Variants in TRAPPC9 observed in about 807,000 individuals in gnomAD.
TRAPPC9 encodes trafficking protein particle complex subunit 9.
In TRAPPC9, 83 loss-of-function variants were observed where a neutral mutation model predicts 124.0. The observed-to-expected ratio is 0.67, with a 90% CI of 0.56 to 0.80. TRAPPC9 has a LOEUF of 0.80. TRAPPC9 is among the 30% of genes least tolerant of loss of function. The pLI, the probability that TRAPPC9 is intolerant of heterozygous loss-of-function variation, is 0.00. For missense variants in TRAPPC9, 1,302 were observed against 1,508.3 expected (o/e 0.86, Z 2.27); for synonymous variants, 638 against 617.5 (o/e 1.03, Z -0.49).
intron 17 of TRAPPC9, among the ~76,000 whole-genome samples, chr8:140,056,123 T>C (rs1186622616): frequency 5.3e-5 from 8 of 151,978 alleles, no homozygotes; most frequent in Non-Finnish European, 1.0e-4. Flanking sequence ...TAAAACAGCA[T>C]GGTAGCCAGG....
intron 7 of TRAPPC9, among the ~76,000 whole-genome samples, chr8:140,388,458 C>T (rs904354779): frequency 6.6e-6 from 1 of 151,424 alleles, no homozygotes; most frequent in Admixed American, 6.6e-5. Context: ...CCAAGGCGGG[C>T]GGATCACCTG....
At chr8:140,357,569 G>A (rs900564929) in intron 9 of TRAPPC9, among the ~76,000 whole-genome samples, 2 of 151,952 alleles carry the variant, frequency 1.3e-5, no homozygotes, top group African/African-American at 4.8e-5. Context: ...GCTGGATCAC[G>A]GGGAGGCTCA....
intron 6 of TRAPPC9, among the ~76,000 whole-genome samples, chr8:140,402,963 G>C (rs949478204): frequency 5.3e-5 from 8 of 152,078 alleles, no homozygotes. Context: ...CAGATAATTA[G>C]ATAATTATAA....
At chr8:139,901,543 C>T (rs1430651745) in intron 20 of TRAPPC9, among the ~76,000 whole-genome samples, 2 of 152,174 alleles carry the variant, frequency 1.3e-5, no homozygotes, top group African/African-American at 4.8e-5. Context: ...CTGCAACTGG[C>T]TCACTGCTGC....
chr8:139,887,173 C>T (rs1031024485), intron 20 of TRAPPC9, among the ~76,000 whole-genome samples: 1 of 151,632 alleles, frequency 6.6e-6, no homozygotes, highest in Non-Finnish European at 1.5e-5. Flanking sequence ...ACATGCTGCC[C>T]TGGGGGCTCG....
chr8:139,777,298 C>T lies in TRAPPC9; in HGVS notation c.3056-45096G>A, dbSNP rs572546895. 7.2e-5 allele frequency among the ~76,000 whole-genome samples: 11 copies of T among 152,320 alleles called. No individual in the cohort carries two copies. The East Asian group carries it at 1.5e-3, about 21-fold the overall frequency. On this transcript the variant is annotated intron_variant, in intron 21 of 22. Transcript: ENST00000438773. ...ATGCTGGGTGCTTAGTAAATGTTTG[C>T]TGAATGAAGGATAGAGAGCTTCATT...
chr8:140,300,172 C>T (rs183569602), intron 11 of TRAPPC9, among the ~76,000 whole-genome samples: 6 of 152,326 alleles, frequency 3.9e-5, no homozygotes, highest in Admixed American at 1.3e-4. Flanking sequence ...ACTGCACACA[C>T]GCACACACAC....
chr8:140,453,345 A>T (rs1157109539), intron 1 of TRAPPC9, among the ~76,000 whole-genome samples: 2 of 152,276 alleles, frequency 1.3e-5, no homozygotes, highest in South Asian at 4.1e-4. Flanking sequence ...GGAAGCCCAA[A>T]ACTGCATAAC....
intron 21 of TRAPPC9, among the ~76,000 whole-genome samples, chr8:139,863,233 C>A (rs1477530909): frequency 1.3e-5 from 2 of 152,258 alleles, no homozygotes; most frequent in Non-Finnish European, 2.9e-5. Flanking sequence ...ATGCACTAAC[C>A]CCACAGGCGC....
chr8:140,311,948 A>G (rs1197495656), intron 9 of TRAPPC9, among the ~76,000 whole-genome samples: 1 of 152,194 alleles, frequency 6.6e-6, no homozygotes, highest in African/African-American at 2.4e-5. Context: ...CTTCCTGTCC[A>G]TGGCACAGTC....
At chr8:140,304,067 G>A (rs1588125401) in intron 10 of TRAPPC9, among the ~76,000 whole-genome samples, 1 of 152,158 alleles carries the variant, frequency 6.6e-6, no homozygotes, top group Non-Finnish European at 1.5e-5. Context: ...TTATGTCATA[G>A]GGGCTGACCT....
At chr8:140,125,300 G>A (rs1381113328) in intron 17 of TRAPPC9, among the ~76,000 whole-genome samples, 1 of 152,208 alleles carries the variant, frequency 6.6e-6, no homozygotes, top group African/African-American at 2.4e-5. Flanking sequence ...CTGGAAATAG[G>A]GGAGGCACCG....
chr8:140,249,195 G>A (rs914693970), intron 16 of TRAPPC9, among the ~76,000 whole-genome samples: 4 of 152,110 alleles, frequency 2.6e-5, no homozygotes, highest in Non-Finnish European at 5.9e-5. Flanking sequence ...CTGCCTTCTC[G>A]AGTAGCCCCC....
At chr8:140,306,645 G>A (rs1213761926) in intron 10 of TRAPPC9, among the ~76,000 whole-genome samples, 1 of 152,120 alleles carries the variant, frequency 6.6e-6, no homozygotes, top group Non-Finnish European at 1.5e-5. Flanking sequence ...TTATCTATGG[G>A]TGAAAATTAG....
chr8:140,253,392 C>A (rs772100711), intron 15 of TRAPPC9, among the ~76,000 whole-genome samples: 26 of 151,634 alleles, frequency 1.7e-4, no homozygotes, highest in Non-Finnish European at 2.9e-4. Flanking sequence ...AAATCAAAAC[C>A]CAAGCAGGAC....
At chr8:139,791,785 T>C (rs1472261589) in intron 21 of TRAPPC9, among the ~76,000 whole-genome samples, 6 of 152,180 alleles carry the variant, frequency 3.9e-5, no homozygotes, top group African/African-American at 1.4e-4. Context: ...GCTGGCACAT[T>C]AGAACCCCAG....
rs1453826559 is a variant in TRAPPC9, at chr8:140,311,477, T to C, written c.1496-103A>G. The C allele has an allele frequency of 2.9e-6, 4 of 1,390,826 alleles. No individual in the cohort carries two copies. In the East Asian group the frequency reaches 7.0e-5, roughly 24 times the overall value. The allele number at this position is 1,390,826 out of a possible 1,614,324, so 86.2% of individuals were successfully genotyped here. A position where few individuals can be genotyped will look rare whatever the true frequency, so the allele number is the denominator to read the frequency against. Reference sequence around the variant, plus strand: ...TTTCATGACAGTCCAGTGAGTCCAATCTTCTGACAGAAATGAAGGGGCAGT... The same window carrying C: ...TTTCATGACAGTCCAGTGAGTCCAACCTTCTGACAGAAATGAAGGGGCAGT... On this transcript the variant is annotated intron_variant, in intron 9 of 22. Coordinates refer to ENST00000438773, the MANE Select transcript of TRAPPC9 (RefSeq NM_001160372.4).
intron 18 of TRAPPC9, among the ~76,000 whole-genome samples, chr8:139,989,459 C>T (rs972910559): frequency 1.3e-5 from 2 of 152,190 alleles, no homozygotes; most frequent in Admixed American, 6.5e-5. Context: ...GCTCAAGTTC[C>T]CATTGTTCCT....
intron 16 of TRAPPC9, among the ~76,000 whole-genome samples, chr8:140,228,153 T>A (rs146854698): frequency 6.6e-6 from 1 of 152,350 alleles, no homozygotes; most frequent in Admixed American, 6.5e-5. Context: ...GAGACACTAA[T>A]GCATAAGGTT....
Sources: allele counts gnomAD v4.1 joint callset (sites outside exome capture counted in the v4.1 genomes callset), GRCh38; gene constraint gnomAD v4.1.1; transcripts MANE v1.5; gene names NCBI Gene and HGNC (gene_info 2026-07-23, HGNC 2026-07-21).